CNTN4: variants seen among roughly 807,000 people sequenced by gnomAD.
CNTN4 encodes contactin-4.
In CNTN4, 77 loss-of-function variants were observed where a neutral mutation model predicts 122.5. That is an observed-to-expected ratio of 0.63 (90% CI 0.52 to 0.76). The LOEUF (loss-of-function observed/expected upper bound fraction) is 0.76. CNTN4 is among the 30% of genes least tolerant of loss of function. The pLI is 0.00. For missense variants in CNTN4, 1,256 were observed against 1,259.1 expected, an observed-to-expected ratio of 1.00 and a Z score of 0.04; for synonymous variants, 512 against 447.0, an observed-to-expected ratio of 1.15 and a Z score of -1.83.
At chr3:2,362,903 A>G (rs1372239847) in intron 3 of CNTN4, among the ~76,000 whole-genome samples, 4 of 152,350 alleles carry the variant, frequency 2.6e-5, no homozygotes, top group African/African-American at 9.6e-5. Flanking sequence ...AGGGAGAACA[A>G]CTATTATAAG....
At chr3:2,765,461 A>G (rs1333567746) in intron 6 of CNTN4, among the ~76,000 whole-genome samples, 1 of 152,236 alleles carries the variant, frequency 6.6e-6, no homozygotes, top group African/African-American at 2.4e-5. Flanking sequence ...ATTAGAAAAC[A>G]TATGTGAAGT....
chr3:2,883,279 C>T (rs1356173981), intron 9 of CNTN4, 32 bp downstream of exon 9: 1 of 1,502,292 alleles, frequency 6.7e-7, no homozygotes, highest in East Asian at 2.3e-5. Flanking sequence ...TTCTCATCCT[C>T]CCTTCAGCTT....
At chr3:2,666,939 C>T (rs1044526006) in intron 4 of CNTN4, among the ~76,000 whole-genome samples, 10 of 152,038 alleles carry the variant, frequency 6.6e-5, no homozygotes, top group Admixed American at 5.9e-4. Context: ...TTCATGGCTG[C>T]GTAGTATTCC....
At chr3:2,671,710 C>G (rs2084525218) in intron 4 of CNTN4, among the ~76,000 whole-genome samples, 1 of 152,122 alleles carries the variant, frequency 6.6e-6, no homozygotes, top group Non-Finnish European at 1.5e-5. Context: ...TTTTCCCCAT[C>G]TTTGTGGGGA....
intron 2 of CNTN4, among the ~76,000 whole-genome samples, chr3:2,254,990 G>A (rs180888260): frequency 3.3e-5 from 5 of 152,264 alleles, no homozygotes; most frequent in Admixed American, 6.5e-5. Flanking sequence ...TATTGCCTAG[G>A]CTTTCTTCTG....
intron 3 of CNTN4, among the ~76,000 whole-genome samples, chr3:2,382,447 G>T (rs924177045): frequency 6.6e-6 from 1 of 152,136 alleles, no homozygotes; most frequent in Non-Finnish European, 1.5e-5. Flanking sequence ...GAGCCACTGC[G>T]TCCGGCCCTA....
Position 3,026,147 on chromosome 3 carries a change from T to C in CNTN4, c.1532T>C (p.Val511Ala). Residue 511 changes from valine (V) to alanine (A), a missense_variant, in exon 15 of 25, where the codon GTT becomes GCT. Physicochemically the swap from Val to Ala is moderately conservative, Grantham distance 64 (BLOSUM62 0). Coordinates refer to ENST00000418658, the MANE Select transcript of CNTN4 (RefSeq NM_175607.3). The part of the protein sequence containing the change: ...MVPPSSMDVT[V>A]GESIVLPCQV... The stretch of plus-strand genomic sequence containing the variant: ...CCCCCTTCCAGTATGGATGTCACTG[T>C]TGGAGAGAGTATTGTTTTACCGTGC... 6.2e-7 allele frequency: 1 copy of C among 1,613,436 alleles called. No individual in the cohort carries two copies. The highest frequency in any genetic ancestry group is 8.5e-7 in the Non-Finnish European group (1 of 1,179,550).
At chr3:2,339,394 A>G (rs1222950172) in intron 3 of CNTN4, among the ~76,000 whole-genome samples, 161 bp downstream of exon 3, 1 of 152,200 alleles carries the variant, frequency 6.6e-6, no homozygotes, top group Admixed American at 6.5e-5. Flanking sequence ...TAGTGAAGTT[A>G]CATAAATTAA....
intron 6 of CNTN4, among the ~76,000 whole-genome samples, chr3:2,770,124 G>A (rs899943048): frequency 7.9e-5 from 12 of 151,664 alleles, no homozygotes; most frequent in Admixed American, 1.3e-4. Flanking sequence ...CCAACTCCCT[G>A]GTTCAAGCAA....
chr3:2,585,370 C>G (rs7649196), intron 4 of CNTN4, among the ~76,000 whole-genome samples: 1 of 151,388 alleles, frequency 6.6e-6, no homozygotes, highest in Non-Finnish European at 1.5e-5. Context: ...AATCATGCTG[C>G]TATAAAGACA....
At chr3:2,140,013 C>G (rs1486113835) in intron 2 of CNTN4, among the ~76,000 whole-genome samples, 1 of 152,170 alleles carries the variant, frequency 6.6e-6, no homozygotes, top group African/African-American at 2.4e-5. Flanking sequence ...CCGTTCTTGT[C>G]ATAGCAAATG....
chr3:2,672,311 T>C (rs1426255347), intron 4 of CNTN4, among the ~76,000 whole-genome samples: 1 of 152,086 alleles, frequency 6.6e-6, no homozygotes, highest in East Asian at 1.9e-4. Context: ...GCCTCAGCAA[T>C]GGTGGGCGCC....
intron 4 of CNTN4, among the ~76,000 whole-genome samples, chr3:2,694,760 C>T (rs1474269414): frequency 2.6e-5 from 4 of 152,096 alleles, no homozygotes; most frequent in Non-Finnish European, 4.4e-5. Flanking sequence ...AATTGAACAA[C>T]ATTAAATAAA....
At chr3:2,762,931 G>A (rs1351128295) in intron 6 of CNTN4, among the ~76,000 whole-genome samples, 6 of 142,834 alleles carry the variant, frequency 4.2e-5, no homozygotes, top group African/African-American at 1.5e-4. Flanking sequence ...GATCAGTGAT[G>A]TCAAGCTTTT....
rs2086943889 is a variant in CNTN4, at chr3:2,709,145, T to C, written c.56-27070T>C. Among the ~76,000 whole-genome samples the C allele has an allele frequency of 1.3e-5, 2 of 152,194 alleles. No individual in the cohort carries two copies. Among genetic ancestry groups the C allele is most frequent in the African/African-American group, 2.4e-5 (1 of 41,454 alleles). On this transcript the variant is annotated intron_variant, in intron 4 of 24. Transcript: ENST00000418658. The surrounding 1 kb of genome is among the most constrained non-coding windows in gnomAD (Gnocchi z 5.0). ...TCGTTACAAATGAAGCCTTACCATTTGATGAAAATCCAGCAAAAATGCATA... is the reference window on the plus strand; with the variant it reads ...TCGTTACAAATGAAGCCTTACCATTCGATGAAAATCCAGCAAAAATGCATA...
intron 17 of CNTN4, 59 bp downstream of exon 17, chr3:3,034,849 C>T (rs1699464936): frequency 1.3e-6 from 2 of 1,558,978 alleles, no homozygotes; most frequent in African/African-American, 2.7e-5. Flanking sequence ...GGACACAGCA[C>T]TGTGGCAAGG....
chr3:3,033,839 T>C (rs1699381489), intron 16 of CNTN4, among the ~76,000 whole-genome samples: 1 of 152,210 alleles, frequency 6.6e-6, no homozygotes, highest in Non-Finnish European at 1.5e-5. Flanking sequence ...CAAGCCTTCA[T>C]TTAAATCTGA....
chr3:2,348,999 T>G (rs1166701842), intron 3 of CNTN4, among the ~76,000 whole-genome samples: 1 of 152,192 alleles, frequency 6.6e-6, no homozygotes, highest in East Asian at 1.9e-4. Flanking sequence ...CTGATGAGCT[T>G]TTAGGAAAGA....
At chr3:2,412,150 A>AGTGTGTTCTTTTCATTGCT (rs1327528008) in intron 3 of CNTN4, among the ~76,000 whole-genome samples, 1 of 152,020 alleles carries the variant, frequency 6.6e-6, no homozygotes, top group Non-Finnish European at 1.5e-5. Flanking sequence ...ATGTATCAGG[A>AGTGTGTTCTTTTCATTGCT]GTGTGTTCTT....
Sources: allele counts gnomAD v4.1 joint callset (sites outside exome capture counted in the v4.1 genomes callset), GRCh38; gene constraint gnomAD v4.1.1; non-coding constraint Gnocchi (gnomAD v3.1); transcripts MANE v1.5; gene names NCBI Gene and HGNC (gene_info 2026-07-23, HGNC 2026-07-21).